The following RLN2 variants were observed in gnomAD, a reference collection of about 807,000 sequenced individuals.
RLN2 encodes the protein prorelaxin H2.
Under a neutral mutation model 7.3 loss-of-function variants are expected in RLN2, and 10 were observed. The observed-to-expected ratio is 1.36, with a 90% confidence interval of 0.84 to 2.31. RLN2 has a LOEUF of 2.31. Ranked by LOEUF, RLN2 falls within the 30% of genes most tolerant of loss-of-function variation. The pLI, the probability that RLN2 is intolerant of heterozygous loss-of-function variation, is 0.00. For missense variants in RLN2, 298 were observed against 217.6 expected, an observed-to-expected ratio of 1.37 and a Z score of -2.32; for synonymous variants, 103 against 82.3, an observed-to-expected ratio of 1.25 and a Z score of -1.36.
chr9:5,302,492 C>G (rs562157265), intron 1 of RLN2, among the ~76,000 whole-genome samples: 1 of 152,204 alleles, frequency 6.6e-6, no homozygotes, highest in Non-Finnish European at 1.5e-5. Context: ...CTGACATGTA[C>G]TTCCAAAACG....
chr9:5,319,574 G>T, the RLN2 span, among the ~76,000 whole-genome samples: 10 of 151,876 alleles, frequency 6.6e-5, no homozygotes, highest in Admixed American at 3.3e-4. Context: ...TTTTACTAGG[G>T]TTTGGGTAAA....
At chr9:5,318,589 T>C in the RLN2 span, among the ~76,000 whole-genome samples, 1 of 152,016 alleles carries the variant, frequency 6.6e-6, no homozygotes, top group African/African-American at 2.4e-5. Context: ...CAGCAACAGA[T>C]ATGGACCTTC....
chr9:5,329,949 G>T, the RLN2 span, among the ~76,000 whole-genome samples: 8 of 151,902 alleles, frequency 5.3e-5, no homozygotes, highest in Non-Finnish European at 1.0e-4. Context: ...CAAATCAACA[G>T]AATATACATT....
At chr9:5,313,639 T>A in the RLN2 span, among the ~76,000 whole-genome samples, 2 of 152,066 alleles carry the variant, frequency 1.3e-5, no homozygotes, top group East Asian at 3.8e-4. Flanking sequence ...AATGATCAAA[T>A]CAGGTTCATT....
At chr9:5,318,672 A>G in the RLN2 span, among the ~76,000 whole-genome samples, 1 of 151,988 alleles carries the variant, frequency 6.6e-6, no homozygotes, top group Admixed American at 6.6e-5. Context: ...TAAGAAAATG[A>G]GCTGTGCTGC....
chr9:5,324,275 G>C, the RLN2 span, among the ~76,000 whole-genome samples: 14 of 151,984 alleles, frequency 9.2e-5, no homozygotes, highest in African/African-American at 2.2e-4. Context: ...TCCAAGAGAG[G>C]AAAATTACGC....
chr9:5,328,036 G>C, the RLN2 span, among the ~76,000 whole-genome samples: 2 of 151,916 alleles, frequency 1.3e-5, no homozygotes, highest in African/African-American at 4.8e-5. Context: ...AGCAGCAAGG[G>C]AACAAAACTG....
chr9:5,330,891 T>G, the RLN2 span, among the ~76,000 whole-genome samples: 1 of 150,450 alleles, frequency 6.6e-6, no homozygotes, highest in Non-Finnish European at 1.5e-5. Flanking sequence ...ATCAAAGAGA[T>G]GCAATGAAAA....
chr9:5,300,222 G>C lies in RLN2; in HGVS notation c.434C>G (p.Pro145Arg). ...CAAGCCTAAGTATTTTAATTCTGAA[G>C]GACTGCTGTCTGCGGCTTCACTTTG... ...NRQSEAADSS[P>R]SELKYLGLDT... The change falls in exon 2 of 2, where the codon CCT (proline) becomes CGT (arginine). Residue 145 changes from proline to arginine, a missense_variant. Coordinates refer to ENST00000381627, the MANE Select transcript of RLN2 (RefSeq NM_134441.3). 1 of 1,613,924 alleles carries C rather than the reference G, an allele frequency of 6.2e-7. No homozygotes were observed. Among genetic ancestry groups the C allele is most frequent in the Non-Finnish European group, 8.5e-7 (1 of 1,179,864 alleles).
the RLN2 span, among the ~76,000 whole-genome samples, chr9:5,328,188 T>C: frequency 6.6e-6 from 1 of 151,974 alleles, no homozygotes; most frequent in Non-Finnish European, 1.5e-5. Context: ...AATGGCTAAC[T>C]AGAATAAACA....
At chr9:5,331,847 T>C in the RLN2 span, among the ~76,000 whole-genome samples, 1 of 152,022 alleles carries the variant, frequency 6.6e-6, no homozygotes. Flanking sequence ...ATAAATAAAC[T>C]GGTGCAACCT....
Position 5,300,361 on chromosome 9 carries a change from T to A in RLN2, c.295A>T (p.Lys99Ter), listed in dbSNP as rs1286773653. The change falls in exon 2 of 2, where the codon AAG (lysine) becomes TAG (stop). Residue 99 changes from lysine (K) to a stop codon, truncating the protein, a stop_gained. Coordinates refer to ENST00000381627, the MANE Select transcript of RLN2 (RefSeq NM_134441.3). LOFTEE classifies it low-confidence loss of function (END_TRUNC). ...GGCTGCATCTCAGACAGGGTTAACTTCAGCTCCTGTGGCAAATTAGCAACA... is the reference window on the plus strand; with the variant it reads ...GGCTGCATCTCAGACAGGGTTAACTACAGCTCCTGTGGCAAATTAGCAACA... ...EFVANLPQEL[K>*]LTLSEMQPAL... is the part of the protein sequence containing the mutation. 8.1e-6 allele frequency: 13 copies of A among 1,613,988 alleles called. No homozygotes were observed. Among genetic ancestry groups the A allele is most frequent in the Non-Finnish European group, 1.1e-5 (13 of 1,179,910 alleles).
the RLN2 span, among the ~76,000 whole-genome samples, chr9:5,324,808 C>T: frequency 2.0e-5 from 3 of 152,096 alleles, no homozygotes; most frequent in South Asian, 4.2e-4. Flanking sequence ...AATAAGTAAA[C>T]CAGTATTATT....
Position 5,300,458 on chromosome 9 carries a change from A to G in RLN2, c.212-14T>C. 6.4e-7 allele frequency: 1 copy of G among 1,568,610 alleles called. No homozygotes were observed. Among genetic ancestry groups the G allele is most frequent in the Non-Finnish European group, 8.7e-7 (1 of 1,151,270 alleles). ...ATGGCACAATTTCTGTTAAATTTAA[A>G]AAAAAAGGTGTATGTGAGGGTATAT... On this transcript the variant is annotated splice_polypyrimidine_tract_variant and intron_variant, in intron 1 of 1. Coordinates refer to ENST00000381627, the MANE Select transcript of RLN2 (RefSeq NM_134441.3).
intron 1 of RLN2, among the ~76,000 whole-genome samples, chr9:5,301,547 A>G (rs1228535681): frequency 3.3e-5 from 5 of 152,238 alleles, no homozygotes; most frequent in Admixed American, 3.3e-4. Flanking sequence ...ATTACAGTGA[A>G]AACCCATATC....
At chr9:5,316,899 G>A in the RLN2 span, among the ~76,000 whole-genome samples, 1 of 151,938 alleles carries the variant, frequency 6.6e-6, no homozygotes, top group Non-Finnish European at 1.5e-5. Context: ...AACTAATTTA[G>A]AAATACATAA....
At chr9:5,325,180 G>A in the RLN2 span, among the ~76,000 whole-genome samples, 1 of 151,854 alleles carries the variant, frequency 6.6e-6, no homozygotes, top group Non-Finnish European at 1.5e-5. Flanking sequence ...TGGCCGATAG[G>A]GGAATTTAAG....
the RLN2 span, among the ~76,000 whole-genome samples, chr9:5,319,751 C>T: frequency 1.3e-5 from 2 of 151,912 alleles, no homozygotes; most frequent in Admixed American, 1.3e-4. Context: ...CACTGAAATC[C>T]TGGACAGTAG....
Position 5,300,472 on chromosome 9 carries a change from G to A in RLN2, c.212-28C>T, listed in dbSNP as rs77289820. On this transcript the variant is annotated intron_variant, in intron 1 of 1. Coordinates refer to ENST00000381627, the MANE Select transcript of RLN2 (RefSeq NM_134441.3). ...GTTAAATTTAAAAAAAAAGGTGTAT[G>A]TGAGGGTATATTCATGTCAAAGAGC... 1.6e-4 allele frequency: 240 copies of A among 1,487,604 alleles called. No homozygotes were observed. The African/African-American group carries it at 3.0e-3, about 19-fold the overall frequency. 92.2% of individuals were successfully genotyped at this position (1,487,604 alleles called of 1,614,324 possible).
Sources: allele counts gnomAD v4.1 joint callset (sites outside exome capture counted in the v4.1 genomes callset), GRCh38; gene constraint gnomAD v4.1.1; transcripts MANE v1.5; gene names NCBI Gene and HGNC (gene_info 2026-07-23, HGNC 2026-07-21).